The following CROCC variants were observed in gnomAD, a reference collection of about 807,000 sequenced individuals.
CROCC encodes the protein ciliary rootlet coiled-coil, rootletin.
In CROCC, 180 loss-of-function variants were observed where a neutral mutation model predicts 245.2. That is an observed-to-expected ratio of 0.73 (90% CI 0.65 to 0.83). The LOEUF is 0.83. Ranked by LOEUF, CROCC falls within the 40% of genes least tolerant of loss-of-function variation. CROCC has a pLI of 0.00. For synonymous variants in CROCC, 1,205 were observed against 1,241.6 expected, an observed-to-expected ratio of 0.97 and a Z score of 0.62; for missense variants, 2,688 against 2,779.4, an observed-to-expected ratio of 0.97 and a Z score of 0.74.
rs2075282904 is a variant in CROCC at position 16,914,475 on chromosome 1, G to T, written n.126-15811G>T. ...GCCCTCGCGACGGCCTCTGCCCCCC[G>T]CAGATGCCCTCTGCAGCTCCTGCGT... is the stretch of plus-strand genomic sequence containing the variant. On this transcript the variant is annotated intron_variant and non_coding_transcript_variant, in intron 1 of 8. Coordinates refer to the CROCC transcript ENST00000466256. Among the ~76,000 whole-genome samples, 14 of 152,374 alleles carry T rather than the reference G, an allele frequency of 9.2e-5. No individual in the cohort carries two copies. In the South Asian group the frequency reaches 2.9e-3, roughly 32 times the overall value.
chr1:16,953,282 A>C lies in CROCC; in HGVS notation c.3007-20A>C. On this transcript the variant is annotated intron_variant, in intron 20 of 36. Transcript: ENST00000375541. ...GGCCCCCTCCTGGTGTGTCACAGGC[A>C]TCCGGTCCTGGCCCCCTAGGAGGCA... 1 of 1,524,212 alleles carries C rather than the reference A, an allele frequency of 6.6e-7. No individual in the cohort carries two copies. The highest frequency in any genetic ancestry group is 2.4e-5 in the East Asian group (1 of 41,658). The allele number at this position is 1,524,212 out of a possible 1,614,324, so 94.4% of individuals were successfully genotyped here.
At chr1:16,965,227 G>A (rs2076398281) in intron 27 of CROCC, among the ~76,000 whole-genome samples, 1 of 152,204 alleles carries the variant, frequency 6.6e-6, no homozygotes, top group South Asian at 2.1e-4. Flanking sequence ...TAGCACAGTG[G>A]GCACTCAGTA....
chr1:16,948,345 G>T lies in CROCC; in HGVS notation c.2529G>T (p.Leu843=). ...QEQLAQLSRQ[L]SGREQELEQA... ...GTGGGGGCCAGCTCTCCCGGCAGCT[G>T]AGCGGGCGGGAGCAGGAGCTGGAGC... The change falls in exon 18 of 37, where the codon CTG becomes CTT. Residue 843 remains leucine (L), a synonymous_variant. Coordinates refer to ENST00000375541, the MANE Select transcript of CROCC (RefSeq NM_014675.5). The T allele has an allele frequency of 6.4e-7, 1 of 1,572,962 alleles. No homozygotes were observed. The highest frequency in any genetic ancestry group is 8.6e-7 in the Non-Finnish European group (1 of 1,163,942).
intron 13 of CROCC, chr1:16,941,301 T>C (rs1318641891): frequency 2.0e-5 from 3 of 152,716 alleles, no homozygotes; most frequent in Admixed American, 6.5e-5. Flanking sequence ...GGCATGCTCC[T>C]GTAATCCCAG....
At chr1:16,962,694 ATG>A (rs1230882490) in intron 27 of CROCC, among the ~76,000 whole-genome samples, 2 of 149,024 alleles carry the variant, frequency 1.3e-5, no homozygotes, top group Admixed American at 6.7e-5. Flanking sequence ...ATTTTTGTGT[ATG>A]TGTGTGTGTG....
Position 16,939,098 on chromosome 1 carries a change from G to A in CROCC, c.1564G>A (p.Ala522Thr). ...GGCCTGCTCAGACTCCTCCACGCTC[G>A]CCCTGATCCACTCCGCCCTGCACAA... Reference protein sequence around the residue: ...SPACSDSSTLALIHSALHKRQ... With the variant: ...SPACSDSSTLTLIHSALHKRQ... Residue 522 changes from alanine to threonine, a missense_variant, in exon 12 of 37, where the codon GCC (alanine) becomes ACC (threonine). By Grantham distance (58) the Ala-to-Thr change is moderately conservative. Transcript: ENST00000375541. 1 of 1,574,218 alleles carries A rather than the reference G, an allele frequency of 6.4e-7. No homozygotes were observed. The highest frequency in any genetic ancestry group is 8.6e-7 in the Non-Finnish European group (1 of 1,167,596).
Position 16,954,935 on chromosome 1 carries a change from G to A in CROCC, c.3465+58G>A. ...ACCCTAAATGGCACTGTGTGCCTGG[G>A]GGCCTAGTTCCCCAGGGCCCCAGAA... On this transcript the variant is annotated intron_variant, in intron 23 of 36. Transcript: ENST00000375541. The surrounding 1 kb of genome is among the most constrained non-coding windows in gnomAD (Gnocchi z 4.4). 6.9e-7 allele frequency: 1 copy of A among 1,456,510 alleles called. No individual in the cohort carries two copies. Among genetic ancestry groups the A allele is most frequent in the South Asian group, 1.4e-5 (1 of 70,900 alleles). The allele number at this position is 1,456,510 out of a possible 1,614,324, so 90.2% of individuals were successfully genotyped here. A position where few individuals can be genotyped will look rare whatever the true frequency, so the allele number is the denominator to read the frequency against.
intron 8 of CROCC, among the ~76,000 whole-genome samples, chr1:16,935,975 CTCCGT>C (rs2100396286): frequency 6.6e-6 from 1 of 152,370 alleles, no homozygotes; most frequent in South Asian, 2.1e-4. Context: ...CCTCAGTGCC[CTCCGT>C]TGTGGTTGTA....
chr1:16,960,609 T>C (rs1354914344), intron 26 of CROCC, 149 bp from the exon 27 acceptor site: 2 of 1,117,964 alleles, frequency 1.8e-6, no homozygotes, highest in African/African-American at 3.2e-5. Flanking sequence ...GGGATGTTTT[T>C]GCACCGCCTG....
Position 16,971,584 on chromosome 1 carries a change from T to G in CROCC, c.5904T>G (p.Thr1968=). The change falls in exon 36 of 37, where the codon ACT becomes ACG. Residue 1968 remains threonine, a synonymous_variant. Transcript: ENST00000375541. ...GGCTGCGCAGCGCCCAGGCGCAGAC[T>G]GAGCGCACCCTGGAGGCTCGGGAGC... ...VERLRSAQAQ[T]ERTLEARERA... is the part of the protein sequence containing the mutation. The G allele has an allele frequency of 6.5e-7, 1 of 1,532,228 alleles. No individual in the cohort carries two copies. Among genetic ancestry groups the G allele is most frequent in the Non-Finnish European group, 8.8e-7 (1 of 1,142,450 alleles). 94.9% of individuals were successfully genotyped at this position (1,532,228 alleles called of 1,614,324 possible).
At chr1:16,948,556 G>A (rs768314453) in intron 18 of CROCC, 32 bp downstream of exon 18, 44 of 1,500,518 alleles carry the variant, frequency 2.9e-5, no homozygotes, top group Non-Finnish European at 3.6e-5. Context: ...AACCCGCCCT[G>A]GGGGGTCCTC....
chr1:16,954,629 G>T lies in CROCC; in HGVS notation c.3322-105G>T. The T allele has an allele frequency of 1.6e-5, 23 of 1,410,918 alleles. No individual in the cohort carries two copies. The highest frequency in any genetic ancestry group is 2.2e-5 in the Non-Finnish European group (23 of 1,059,826). 87.4% of individuals were successfully genotyped at this position (1,410,918 alleles called of 1,614,324 possible). Reference sequence around the variant, plus strand: ...AGAGGGTCCGGCAGGCCAGCGGGAGGGGCCGTGTTTAGAGCTAAAAGTGGA... The same window carrying T: ...AGAGGGTCCGGCAGGCCAGCGGGAGTGGCCGTGTTTAGAGCTAAAAGTGGA... On this transcript the variant is annotated intron_variant, in intron 22 of 36. Transcript: ENST00000375541. The surrounding 1 kb of genome is among the most constrained non-coding windows in gnomAD (Gnocchi z 4.4).
chr1:16,930,021 T>A lies in CROCC; in HGVS notation c.527T>A (p.Leu176Gln). ...QQRQAQLVQR[L>Q]QGKILQYKKR... ...CGGCAGGCCCAGCTTGTGCAGCGGCTGCAGGGCAAGGTCAGGACCACCCAC... is the reference window on the plus strand; with the variant it reads ...CGGCAGGCCCAGCTTGTGCAGCGGCAGCAGGGCAAGGTCAGGACCACCCAC... The change falls in exon 4 of 37, where the codon CTG becomes CAG. Residue 176 changes from leucine to glutamine, a missense_variant. Transcript: ENST00000375541. 6.3e-7 allele frequency: 1 copy of A among 1,575,914 alleles called. No homozygotes were observed. The highest frequency in any genetic ancestry group is 1.2e-5 in the South Asian group (1 of 86,416).
At chr1:16,964,415 C>T (rs912208547) in intron 27 of CROCC, among the ~76,000 whole-genome samples, 3 of 151,460 alleles carry the variant, frequency 2.0e-5, no homozygotes, top group Non-Finnish European at 4.4e-5. Context: ...CCGAGTCTCA[C>T]TCTGTTGCCC....
intron 2 of CROCC, among the ~76,000 whole-genome samples, chr1:16,924,080 T>C (rs1166153783): frequency 6.6e-6 from 1 of 152,264 alleles, no homozygotes. Context: ...AGACTGAGTG[T>C]CTCTCCTGCA....
At position 16,966,533 on chromosome 1, in the gene CROCC, A is replaced by C; in HGVS notation, c.4822A>C (p.Ser1608Arg). ...TLDQVATLER[S>R]LQATESELRA... ...GGACCAGGTGGCCACACTGGAGAGG[A>C]GCCTGCAGGCCACCGAGAGCGAGCT... is the stretch of plus-strand genomic sequence containing the variant. Residue 1608 changes from serine to arginine, a missense_variant, in exon 30 of 37, where the codon AGC becomes CGC. This residue lies in a region of CROCC where 1,218 missense variants were observed against 1,286.3 expected (regional missense o/e 0.95). Transcript: ENST00000375541. This position sits in a 1 kb window ranked among gnomAD's most constrained non-coding sequence, Gnocchi z 4.8. The C allele has an allele frequency of 1.3e-6, 2 of 1,495,410 alleles. No individual in the cohort carries two copies. The highest frequency in any genetic ancestry group is 1.8e-6 in the Non-Finnish European group (2 of 1,124,460). The allele number at this position is 1,495,410 out of a possible 1,614,324, so 92.6% of individuals were successfully genotyped here.
chr1:16,925,011 G>GGCAGGATTCACATCACCCGTGCT (rs2075501368), intron 3 of CROCC, among the ~76,000 whole-genome samples: 2 of 152,284 alleles, frequency 1.3e-5, no homozygotes, highest in Non-Finnish European at 2.9e-5. Flanking sequence ...TTCATGTCCA[G>GGCAGGATTCACATCACCCGTGCT]GCAGGATTCA....
chr1:16,953,485 C>T lies in CROCC; in HGVS notation c.3186+4C>T, dbSNP rs190268229. ...AGCAGAGAGTGAGAAGCAGCAGGTT[C>T]GTGAGCCCTGGCATGGCCTCTGCTG... is the stretch of plus-strand genomic sequence containing the variant. On this transcript the variant is annotated splice_donor_region_variant and intron_variant, in intron 21 of 36. Transcript: ENST00000375541. The T allele has an allele frequency of 1.5e-4, 247 of 1,600,222 alleles. 2 individuals are homozygous for T. Among genetic ancestry groups the T allele is most frequent in the Admixed American group, 8.9e-4 (53 of 59,604 alleles).
At chr1:16,928,810 T>A (rs1310489501) in intron 3 of CROCC, among the ~76,000 whole-genome samples, 1 of 151,356 alleles carries the variant, frequency 6.6e-6, no homozygotes, top group African/African-American at 2.4e-5. Flanking sequence ...CTCAAAAAAA[T>A]AAATAAATAA....
Sources: gnomAD v4.1 joint callset for allele counts (sites outside exome capture counted in the v4.1 genomes callset) on GRCh38, gnomAD v4.1.1 for gene constraint, gnomAD v4.1.1 regional missense constraint, Gnocchi (gnomAD v3.1) non-coding constraint, MANE v1.5 for transcripts, NCBI Gene and HGNC (gene_info 2026-07-23, HGNC 2026-07-21) for gene names.